Variants in PLEKHA3 observed in about 807,000 individuals in gnomAD.
PLEKHA3 encodes pleckstrin homology domain containing A3.
A neutral mutation model predicts 39.2 loss-of-function variants in PLEKHA3; 19 were observed. The observed-to-expected ratio is 0.48, with a 90% CI of 0.34 to 0.71. The LOEUF is 0.71. PLEKHA3 is among the 30% of genes least tolerant of loss of function. PLEKHA3 has a pLI of 0.01. For missense variants in PLEKHA3, 253 were observed against 359.5 expected (o/e 0.70, Z 2.40); for synonymous variants, 97 against 118.6 (o/e 0.82, Z 1.18).
chr2:178,494,635 C>T (rs1420387529), intron 4 of PLEKHA3, among the ~76,000 whole-genome samples: 1 of 152,124 alleles, frequency 6.6e-6, no homozygotes, highest in Non-Finnish European at 1.5e-5. Flanking sequence ...GACAAACTGA[C>T]CACAAGCTCC....
chr2:178,486,853 T>C (rs920761191), intron 2 of PLEKHA3, among the ~76,000 whole-genome samples: 7 of 152,228 alleles, frequency 4.6e-5, no homozygotes, highest in African/African-American at 1.7e-4. Flanking sequence ...TTATTGAACA[T>C]ATGTGTGCAT....
At chr2:178,490,904 A>G (rs1575143642) in intron 3 of PLEKHA3, 90 bp downstream of exon 3, 1 of 984,322 alleles carries the variant, frequency 1.0e-6, no homozygotes, top group Non-Finnish European at 1.4e-6. Flanking sequence ...TTTAGTATCT[A>G]TCCCAAGGAA....
chr2:178,494,204 T>A lies in PLEKHA3; in HGVS notation c.450+215T>A, dbSNP rs1269516855. Among the ~76,000 whole-genome samples, 4 of 152,154 alleles carry A rather than the reference T, an allele frequency of 2.6e-5. No individual in the cohort carries two copies. The East Asian group carries it at 5.8e-4, about 22-fold the overall frequency. ...ATGAAGTAGCATATTTCTCCAGGGGTCAAGGCTTGTCTTTGCAGCCAGTCT... is the reference window on the plus strand; with the variant it reads ...ATGAAGTAGCATATTTCTCCAGGGGACAAGGCTTGTCTTTGCAGCCAGTCT... On this transcript the variant is annotated intron_variant, in intron 4 of 7. Coordinates refer to ENST00000234453, the MANE Select transcript of PLEKHA3 (RefSeq NM_019091.4).
At position 178,490,784 on chromosome 2, in the gene PLEKHA3, T is replaced by G; in HGVS notation, c.283T>G (p.Leu95Val). ...LVALGSSKACLTDTRTKKEKE... is the reference protein window; with the variant it reads ...LVALGSSKACVTDTRTKKEKE... The stretch of plus-strand genomic sequence containing the variant: ...CGCTCTGGGGAGCTCCAAAGCATGT[T>G]TGACTGATACAAGGACTAAAAAAGA... Residue 95 changes from leucine (L) to valine (V), a missense_variant, in exon 3 of 8, where the codon TTG becomes GTG. Leu to Val is a conservative substitution (Grantham distance 32, BLOSUM62 1). Transcript: ENST00000234453. The G allele has an allele frequency of 6.2e-7, 1 of 1,613,912 alleles. No individual in the cohort carries two copies. Among genetic ancestry groups the G allele is most frequent in the Non-Finnish European group, 8.5e-7 (1 of 1,179,898 alleles).
intron 2 of PLEKHA3, among the ~76,000 whole-genome samples, chr2:178,488,454 G>A (rs73973119): frequency 0.05 from 7,577 of 152,314 alleles, 597 homozygotes; most frequent in African/African-American, 0.17. Context: ...TAGTAGGTCT[G>A]TACTTGACTT....
rs573420316 is a variant in PLEKHA3, at chr2:178,482,372, C to A, written c.40+1463C>A. Among the ~76,000 whole-genome samples, 220 of 151,706 alleles carry A rather than the reference C, an allele frequency of 1.5e-3. 5 individuals are homozygous for A. In the South Asian group the frequency reaches 0.022, roughly 15 times the overall value. ...GGAGACGTGGTCTCTACTAAAAAAA[C>A]AAAAACAAAAACAAAAAACAGCTAG... On this transcript the variant is annotated intron_variant, in intron 1 of 7. Transcript: ENST00000234453.
chr2:178,497,631 A>G (rs778607630), intron 5 of PLEKHA3, among the ~76,000 whole-genome samples: 1 of 152,222 alleles, frequency 6.6e-6, no homozygotes, highest in Non-Finnish European at 1.5e-5. Flanking sequence ...TAGATATGCT[A>G]TAAACTGTTA....
rs1291003604 is a variant in PLEKHA3 at position 178,480,510 on chromosome 2, G to A, written c.-360G>A. The A allele has an allele frequency of 5.5e-6, 1 of 180,556 alleles. No homozygotes were observed. The highest frequency in any genetic ancestry group is 1.2e-5 in the Non-Finnish European group (1 of 86,896). The allele number at this position is 180,556 out of a possible 1,614,324, so 11.2% of individuals were successfully genotyped here. A position where few individuals can be genotyped will look rare whatever the true frequency, so the allele number is the denominator to read the frequency against. ...CAATGAAAACAAACGGGGAGCCCAG[G>A]GGGAAGGAAGGCAGGCGAGGAAGAG... On this transcript the variant is annotated 5_prime_UTR_variant, in exon 1 of 8. Coordinates refer to ENST00000234453, the MANE Select transcript of PLEKHA3 (RefSeq NM_019091.4).
intron 7 of PLEKHA3, among the ~76,000 whole-genome samples, chr2:178,501,833 G>A (rs1026858298): frequency 6.6e-6 from 1 of 151,898 alleles, no homozygotes; most frequent in Non-Finnish European, 1.5e-5. Context: ...TCCATTAATA[G>A]ACTTATACTC....
rs566019469 is a variant in PLEKHA3, at chr2:178,511,559, A to G, written c.*7672A>G. ...CAGCTGATGTTTTGTATTTTTACAAAAATTTTTCACCATGTTGGCCAGGGT... is the reference window on the plus strand; with the variant it reads ...CAGCTGATGTTTTGTATTTTTACAAGAATTTTTCACCATGTTGGCCAGGGT... On this transcript the variant is annotated 3_prime_UTR_variant, in exon 8 of 8. Transcript: ENST00000234453. 3 of 152,268 alleles carry G rather than the reference A, an allele frequency of 2.0e-5. No homozygotes were observed. The allele number at this position is 152,268 out of a possible 1,614,324, so 9.4% of individuals were successfully genotyped here. A position where few individuals can be genotyped will look rare whatever the true frequency, so the allele number is the denominator to read the frequency against.
rs899607573 is a variant in PLEKHA3, at chr2:178,507,514, A to C, written c.*3627A>C. On this transcript the variant is annotated 3_prime_UTR_variant, in exon 8 of 8. Coordinates refer to ENST00000234453, the MANE Select transcript of PLEKHA3 (RefSeq NM_019091.4). ...ATAATCGTATCAATTCTCTTAAAAAAGTTTTTAAAAATATTTTGTCATCCT... is the reference window on the plus strand; with the variant it reads ...ATAATCGTATCAATTCTCTTAAAAACGTTTTTAAAAATATTTTGTCATCCT... 7.2e-5 allele frequency: 11 copies of C among 152,192 alleles called. No individual in the cohort carries two copies. Among genetic ancestry groups the C allele is most frequent in the Non-Finnish European group, 1.5e-4 (10 of 68,018 alleles). The allele number at this position is 152,192 out of a possible 1,614,324, so 9.4% of individuals were successfully genotyped here. A position where few individuals can be genotyped will look rare whatever the true frequency, so the allele number is the denominator to read the frequency against.
At chr2:178,483,156 G>C (rs188512438) in intron 1 of PLEKHA3, among the ~76,000 whole-genome samples, 11 of 152,182 alleles carry the variant, frequency 7.2e-5, no homozygotes, top group Non-Finnish European at 1.5e-4. Flanking sequence ...CTACTTGGGA[G>C]GTTGAGGCAT....
At position 178,511,373 on chromosome 2, in the gene PLEKHA3, AT is replaced by A. The variant is rs201467170; in HGVS notation, c.*7504del. The A allele has an allele frequency of 1.8e-3, 238 of 132,162 alleles. No individual in the cohort carries two copies. The highest frequency in any genetic ancestry group is 1.9e-3 in the Non-Finnish European group (118 of 61,514). The allele number at this position is 132,162 out of a possible 1,614,324, so 8.2% of individuals were successfully genotyped here. A position where few individuals can be genotyped will look rare whatever the true frequency, so the allele number is the denominator to read the frequency against. ...TCCATCTCTGGAACTTTGATCTCTA[AT>A]TTTTTTTTTTTTTTTTTGAGACAGA... On this transcript the variant is annotated 3_prime_UTR_variant, in exon 8 of 8. Coordinates refer to ENST00000234453, the MANE Select transcript of PLEKHA3 (RefSeq NM_019091.4).
At chr2:178,489,418 A>T (rs1207763114) in intron 2 of PLEKHA3, among the ~76,000 whole-genome samples, 2 of 143,626 alleles carry the variant, frequency 1.4e-5, no homozygotes, top group Admixed American at 6.9e-5. Flanking sequence ...TTGTCCATTC[A>T]TGAATATGAA....
At chr2:178,497,023 C>T (rs1685460245) in intron 5 of PLEKHA3, among the ~76,000 whole-genome samples, 1 of 151,984 alleles carries the variant, frequency 6.6e-6, no homozygotes, top group Admixed American at 6.6e-5. Flanking sequence ...TAGCTTCAAG[C>T]AGTCCTCCTG....
chr2:178,502,758 A>T (rs1685543675), intron 7 of PLEKHA3, among the ~76,000 whole-genome samples: 1 of 151,802 alleles, frequency 6.6e-6, no homozygotes. Context: ...AGCATCCCCC[A>T]GTTTAACTGT....
intron 6 of PLEKHA3, 149 bp downstream of exon 6, chr2:178,499,403 C>T (rs1685495517): frequency 1.5e-6 from 1 of 672,006 alleles, no homozygotes. Context: ...GTATTTATCT[C>T]CTAGTATTTA....
chr2:178,493,003 G>A (rs772669187), intron 3 of PLEKHA3, among the ~76,000 whole-genome samples: 4 of 152,232 alleles, frequency 2.6e-5, no homozygotes, highest in African/African-American at 7.2e-5. Flanking sequence ...GATTAAATGC[G>A]CAGATAGAGC....
rs1317513306 is a variant in PLEKHA3 at position 178,505,344 on chromosome 2, G to A, written c.*1457G>A. 1 of 151,744 alleles carries A rather than the reference G, an allele frequency of 6.6e-6. No individual in the cohort carries two copies. Among genetic ancestry groups the A allele is most frequent in the Non-Finnish European group, 1.5e-5 (1 of 67,810 alleles). The allele number at this position is 151,744 out of a possible 1,614,324, so 9.4% of individuals were successfully genotyped here. ...GGCCTTCCATCTTAAGTTTAAGATG[G>A]ACATAAACAGTCTATACATTAATAT... On this transcript the variant is annotated 3_prime_UTR_variant, in exon 8 of 8. Transcript: ENST00000234453.
Sources: allele counts gnomAD v4.1 joint callset (sites outside exome capture counted in the v4.1 genomes callset), GRCh38; gene constraint gnomAD v4.1.1; transcripts MANE v1.5; gene names NCBI Gene and HGNC (gene_info 2026-07-23, HGNC 2026-07-21).